Variants in MFAP5 observed in about 807,000 individuals in gnomAD.
MFAP5 encodes the protein microfibrillar-associated protein 5.
In MFAP5, 19 loss-of-function variants were observed where a neutral mutation model predicts 30.1. The observed-to-expected ratio is 0.63, with a 90% CI of 0.44 to 0.93. The LOEUF (loss-of-function observed/expected upper bound fraction) is 0.93, where lower values mean the gene tolerates loss of function less well. MFAP5 is among the 40% of genes least tolerant of loss of function. MFAP5 has a pLI of 0.00. For synonymous variants in MFAP5, 92 were observed against 72.9 expected (o/e 1.26, Z -1.33); for missense variants, 210 against 221.3 (o/e 0.95, Z 0.32).
At chr12:8,652,414 C>T (rs1941861474) in intron 6 of MFAP5, among the ~76,000 whole-genome samples, 1 of 151,534 alleles carries the variant, frequency 6.6e-6, no homozygotes. Flanking sequence ...CATTGCACTC[C>T]AGCCTAGGTG....
chr12:8,654,524 T>C (rs369182642), intron 5 of MFAP5, 43 bp from the exon 6 acceptor site: 238 of 1,562,830 alleles, frequency 1.5e-4, no homozygotes, highest in Non-Finnish European at 1.6e-4. Flanking sequence ...GGCTTCAAAT[T>C]GCAAACACAA....
chr12:8,660,368 C>A (rs117750228), intron 3 of MFAP5, among the ~76,000 whole-genome samples: 1,803 of 148,894 alleles, frequency 0.012, 29 homozygotes, highest in African/African-American at 0.043. Context: ...TTTTTTTTTT[C>A]TAGAGATGAG....
At chr12:8,656,681 G>C (rs1363707012) in intron 3 of MFAP5, among the ~76,000 whole-genome samples, 1 of 88,936 alleles carries the variant, frequency 1.1e-5, no homozygotes, top group African/African-American at 4.8e-5. Context: ...TTTTTTTTTT[G>C]AGACAGAGTC....
rs1438361985 is a variant in MFAP5, at chr12:8,648,187, C to T, written c.426G>A (p.Gln142=). ...HEAMKDELCR[Q]MAGLPPRRLR... is the part of the protein sequence containing the mutation. The stretch of plus-strand genomic sequence containing the variant: ...GTCTCCTAGGGGGCAGACCAGCCAT[C>T]TGACGGCAAAGCTCATCTAGAAGAG... Residue 142 remains glutamine, a synonymous_variant, in exon 10 of 10, where the codon CAG becomes CAA. Coordinates refer to ENST00000359478, the MANE Select transcript of MFAP5 (RefSeq NM_003480.4). The T allele has an allele frequency of 3.1e-6, 5 of 1,613,522 alleles. No homozygotes were observed. The South Asian group carries it at 5.5e-5, about 18-fold the overall frequency.
intron 7 of MFAP5, among the ~76,000 whole-genome samples, chr12:8,651,123 C>A (rs924172639): frequency 6.6e-6 from 1 of 151,966 alleles, no homozygotes; most frequent in African/African-American, 2.4e-5. Flanking sequence ...GCCAAGATCA[C>A]GCCACTGCAC....
At chr12:8,654,387 GA>G (rs1565524896) in intron 6 of MFAP5, 49 bp downstream of exon 6, 1 of 1,530,918 alleles carries the variant, frequency 6.5e-7, no homozygotes, top group East Asian at 2.3e-5. Flanking sequence ...GGGCTCTGGG[GA>G]AAGCCTAGAA....
At chr12:8,651,723 C>G in intron 6 of MFAP5, 32 bp from the exon 7 acceptor site, 1 of 1,604,916 alleles carries the variant, frequency 6.2e-7, no homozygotes, top group Non-Finnish European at 8.5e-7. Context: ...CCACTGTTAC[C>G]AATTCTAGAA....
intron 9 of MFAP5, among the ~76,000 whole-genome samples, chr12:8,649,211 T>C (rs1941763959): frequency 6.6e-6 from 1 of 152,174 alleles, no homozygotes; most frequent in African/African-American, 2.4e-5. Flanking sequence ...GTGAATGATC[T>C]TTAAAATAGC....
At position 8,659,678 on chromosome 12, in the gene MFAP5, A is replaced by C. The variant is rs752762011; in HGVS notation, c.94+1185T>G. ...GGTATTTTTACCAACAACAGAAAAA[A>C]AATTTTTGTATTTTTATCTTCTGTA... On this transcript the variant is annotated intron_variant, in intron 3 of 9. Transcript: ENST00000359478. Among the ~76,000 whole-genome samples, 6 of 152,272 alleles carry C rather than the reference A, an allele frequency of 3.9e-5. No homozygotes were observed. In the South Asian group the frequency reaches 1.2e-3, roughly 32 times the overall value.
chr12:8,659,309 G>GAA (rs78077672), intron 3 of MFAP5, among the ~76,000 whole-genome samples: 2 of 130,470 alleles, frequency 1.5e-5, no homozygotes. Flanking sequence ...ACTCTGTCTC[G>GAA]AAAAAAAAAA....
intron 2 of MFAP5, among the ~76,000 whole-genome samples, 194 bp downstream of exon 2, chr12:8,661,853 C>T (rs780627729): frequency 9.9e-5 from 15 of 152,270 alleles, no homozygotes; most frequent in African/African-American, 3.1e-4. Flanking sequence ...GGCCTTTCCC[C>T]TAGTCTGAAG....
At chr12:8,655,558 G>T in intron 4 of MFAP5, 111 bp from the exon 5 acceptor site, 1 of 1,186,384 alleles carries the variant, frequency 8.4e-7, no homozygotes, top group Non-Finnish European at 1.2e-6. Flanking sequence ...TGAAGTGAAA[G>T]CCTGTGGACT....
At chr12:8,661,398 C>T (rs1942146489) in intron 2 of MFAP5, among the ~76,000 whole-genome samples, 3 of 152,174 alleles carry the variant, frequency 2.0e-5, no homozygotes, top group Admixed American at 1.3e-4. Flanking sequence ...TCTGGGAAAT[C>T]TGTGAAGATC....
rs1463522470 is a variant in MFAP5, at chr12:8,656,667, TA to T, written c.95-838del. On this transcript the variant is annotated intron_variant, in intron 3 of 9. Transcript: ENST00000359478. ...ACACACACATATATATATATATATA[TA>T]TTTTTTTTTTTTGAGACAGAGTCTG... 1.1e-3 allele frequency among the ~76,000 whole-genome samples: 131 copies of T among 116,976 alleles called. 6 individuals are homozygous for T. Among genetic ancestry groups the T allele is most frequent in the Non-Finnish European group, 1.6e-3 (85 of 54,642 alleles). 76.7% of individuals were successfully genotyped at this position (116,976 alleles called of 152,430 possible). A position where few individuals can be genotyped will look rare whatever the true frequency, so the allele number is the denominator to read the frequency against.
At position 8,646,416 on chromosome 12, in the gene MFAP5, T is replaced by C. The variant is rs964873238; in HGVS notation, c.*1675A>G. ...TCCATTGGCTTTTATAGAAAGTTAT[T>C]GAGTTAGTCAGACAGAAGGATTCAT... is the stretch of plus-strand genomic sequence containing the variant. On this transcript the variant is annotated 3_prime_UTR_variant, in exon 10 of 10. Coordinates refer to ENST00000359478, the MANE Select transcript of MFAP5 (RefSeq NM_003480.4). 3 of 152,162 alleles carry C rather than the reference T, an allele frequency of 2.0e-5. No individual in the cohort carries two copies. Among genetic ancestry groups the C allele is most frequent in the Non-Finnish European group, 4.4e-5 (3 of 68,028 alleles). The allele number at this position is 152,162 out of a possible 1,614,324, so 9.4% of individuals were successfully genotyped here. A position where few individuals can be genotyped will look rare whatever the true frequency, so the allele number is the denominator to read the frequency against.
At chr12:8,654,582 CTA>C in intron 5 of MFAP5, 101 bp from the exon 6 acceptor site, 1 of 1,091,080 alleles carries the variant, frequency 9.2e-7, no homozygotes, top group South Asian at 1.4e-5. Context: ...AGGTGGAAGA[CTA>C]TGTCTGGCTT....
Position 8,655,829 on chromosome 12 carries a change from G to A in MFAP5, c.96C>T (p.Asp32=), listed in dbSNP as rs778394071. The A allele has an allele frequency of 1.9e-6, 3 of 1,610,276 alleles. No homozygotes were observed. Among genetic ancestry groups the A allele is most frequent in the Admixed American group, 1.7e-5 (1 of 59,976 alleles). ...IPLGVNSQRG[D]DVTQATPETF... is the part of the protein sequence containing the mutation. Reference sequence around the variant, plus strand: ...TTTCTGGAGTCGCTTGAGTCACATCGTCTGAAAAGAAAATTAGAAAACAAT... The same window carrying A: ...TTTCTGGAGTCGCTTGAGTCACATCATCTGAAAAGAAAATTAGAAAACAAT... Residue 32 remains aspartate, a splice_region_variant and synonymous_variant, in exon 4 of 10, where the codon GAC becomes GAT. Coordinates refer to ENST00000359478, the MANE Select transcript of MFAP5 (RefSeq NM_003480.4).
chr12:8,648,476 A>G lies in MFAP5; in HGVS notation c.410-273T>C, dbSNP rs759941374. ...TCTGAGTATTAAAATGAAATCATGT[A>G]TGCAAAGTACCTAGCACAGGTGAGC... On this transcript the variant is annotated intron_variant, in intron 9 of 9. Coordinates refer to ENST00000359478, the MANE Select transcript of MFAP5 (RefSeq NM_003480.4). The G allele has an allele frequency of 2.0e-4, 250 of 1,251,850 alleles. 3 individuals are homozygous for G. In the African/African-American group the frequency reaches 3.6e-3, roughly 18 times the overall value. 77.5% of individuals were successfully genotyped at this position (1,251,850 alleles called of 1,614,324 possible). A position where few individuals can be genotyped will look rare whatever the true frequency, so the allele number is the denominator to read the frequency against.
chr12:8,648,138 G>A lies in MFAP5; in HGVS notation c.475C>T (p.Leu159Phe). Residue 159 changes from leucine (L) to phenylalanine (F), a missense_variant, in exon 10 of 10, where the codon CTT becomes TTT. By Grantham distance (22) the Leu-to-Phe change is conservative (BLOSUM62 0). Coordinates refer to ENST00000359478, the MANE Select transcript of MFAP5 (RefSeq NM_003480.4). The stretch of plus-strand genomic sequence containing the variant: ...AAATCCACATTTTCACAGGGAGGAA[G>A]TCGGAAGTAATTGGAGCGACGGAGT... ...RRLRRSNYFR[L>F]PPCENVDLQR... 7 of 1,614,046 alleles carry A rather than the reference G, an allele frequency of 4.3e-6. No individual in the cohort carries two copies. The highest frequency in any genetic ancestry group is 5.9e-6 in the Non-Finnish European group (7 of 1,179,952).
Sources: gnomAD v4.1 joint callset for allele counts (sites outside exome capture counted in the v4.1 genomes callset) on GRCh38, gnomAD v4.1.1 for gene constraint, MANE v1.5 for transcripts, NCBI Gene and HGNC (gene_info 2026-07-23, HGNC 2026-07-21) for gene names.